Variants in MDGA2 observed in about 807,000 individuals in gnomAD.
MDGA2 encodes MAM domain-containing glycosylphosphatidylinositol anchor protein 2.
Under a neutral mutation model 117.8 loss-of-function variants are expected in MDGA2, and 40 were observed. The ratio of observed to expected loss-of-function variants is 0.34; its 90% CI spans 0.26 to 0.44. MDGA2 has a LOEUF of 0.44. Ranked by LOEUF, MDGA2 falls within the 20% of genes least tolerant of loss-of-function variation. MDGA2 has a pLI of 1.00. For synonymous variants in MDGA2, 452 were observed against 439.0 expected (o/e 1.03, Z -0.37); for missense variants, 1,123 against 1,250.6 (o/e 0.90, Z 1.54).
chr14:47,281,847 G>A (rs957982780), intron 2 of MDGA2, among the ~76,000 whole-genome samples: 5 of 151,812 alleles, frequency 3.3e-5, no homozygotes, highest in African/African-American at 1.2e-4. Flanking sequence ...ACCTGAGGTC[G>A]GAAGCTCGAG....
intron 12 of MDGA2, among the ~76,000 whole-genome samples, chr14:46,874,486 A>T (rs559554854): frequency 1.3e-5 from 2 of 152,016 alleles, no homozygotes; most frequent in African/African-American, 4.8e-5. Flanking sequence ...AATATAATTT[A>T]TGCTTGAATT....
chr14:47,336,767 T>G (rs182637906), intron 1 of MDGA2, among the ~76,000 whole-genome samples: 1 of 152,114 alleles, frequency 6.6e-6, no homozygotes, highest in East Asian at 1.9e-4. Flanking sequence ...TTAATAGTGC[T>G]CAAAAGAAGT....
intron 8 of MDGA2, among the ~76,000 whole-genome samples, chr14:46,963,071 T>C (rs1885873787): frequency 6.6e-6 from 1 of 152,140 alleles, no homozygotes; most frequent in Non-Finnish European, 1.5e-5. Flanking sequence ...AGGAATATAG[T>C]GAAGCATTTT....
chr14:47,473,505 G>A (rs1314654157), intron 1 of MDGA2, among the ~76,000 whole-genome samples: 1 of 152,040 alleles, frequency 6.6e-6, no homozygotes, highest in Non-Finnish European at 1.5e-5. Context: ...GTAAAAAAGA[G>A]AAGCACCAAT....
At chr14:47,144,854 T>C (rs1012076977) in intron 3 of MDGA2, among the ~76,000 whole-genome samples, 11 of 143,594 alleles carry the variant, frequency 7.7e-5, no homozygotes, top group Non-Finnish European at 1.5e-4. Flanking sequence ...CTGGCTATGT[T>C]GTCCAGGCTG....
chr14:47,071,691 G>A (rs1890288320), intron 6 of MDGA2, among the ~76,000 whole-genome samples: 1 of 151,962 alleles, frequency 6.6e-6, no homozygotes, highest in African/African-American at 2.4e-5. Context: ...AGGAAGAAAG[G>A]CAAAGAGGGA....
chr14:47,225,693 A>G (rs1262450170), intron 2 of MDGA2, among the ~76,000 whole-genome samples: 1 of 151,978 alleles, frequency 6.6e-6, no homozygotes, highest in African/African-American at 2.4e-5. Context: ...GGATAGCATT[A>G]GGAGATATAC....
chr14:47,512,119 C>G (rs1039559224), intron 1 of MDGA2, among the ~76,000 whole-genome samples: 2 of 152,094 alleles, frequency 1.3e-5, no homozygotes, highest in Non-Finnish European at 2.9e-5. Flanking sequence ...TGAAAACTGC[C>G]CATTGAACAC....
chr14:47,254,428 C>T (rs1887551285), intron 2 of MDGA2, among the ~76,000 whole-genome samples: 1 of 152,156 alleles, frequency 6.6e-6, no homozygotes, highest in Non-Finnish European at 1.5e-5. Flanking sequence ...AGCAAAATGC[C>T]ACCAGTTTCT....
At chr14:46,846,288 A>G (rs915389815) in intron 15 of MDGA2, among the ~76,000 whole-genome samples, 1 of 152,166 alleles carries the variant, frequency 6.6e-6, no homozygotes, top group African/African-American at 2.4e-5. Context: ...GAATGAATCA[A>G]TTCTGAATTC....
At chr14:47,621,639 A>G (rs946011721) in intron 1 of MDGA2, among the ~76,000 whole-genome samples, 3 of 152,222 alleles carry the variant, frequency 2.0e-5, no homozygotes, top group Admixed American at 2.0e-4. Context: ...GCAAAATGTG[A>G]GCAGGGATGA....
At chr14:47,019,133 T>C (rs1888192973) in intron 8 of MDGA2, among the ~76,000 whole-genome samples, 1 of 152,202 alleles carries the variant, frequency 6.6e-6, no homozygotes, top group African/African-American at 2.4e-5. Context: ...GCTTTCAAAT[T>C]TGAATACTGA....
At chr14:47,146,391 G>A (rs1342745467) in intron 3 of MDGA2, among the ~76,000 whole-genome samples, 1 of 152,120 alleles carries the variant, frequency 6.6e-6, no homozygotes, top group South Asian at 2.1e-4. Context: ...AAGCTTAAAG[G>A]AACTTTCCAT....
chr14:47,157,621 G>C (rs1883448427), intron 3 of MDGA2, among the ~76,000 whole-genome samples: 2 of 151,404 alleles, frequency 1.3e-5, no homozygotes, highest in Admixed American at 6.6e-5. Flanking sequence ...GTGTGTGTGT[G>C]TGTGTGTGTG....
chr14:47,169,862 A>T (rs1459106427), intron 3 of MDGA2, among the ~76,000 whole-genome samples: 1 of 152,098 alleles, frequency 6.6e-6, no homozygotes, highest in Non-Finnish European at 1.5e-5. Flanking sequence ...TTTCCTCTAA[A>T]ATATAAGTCA....
chr14:47,351,343 A>G (rs530339169), intron 1 of MDGA2, among the ~76,000 whole-genome samples: 1 of 152,148 alleles, frequency 6.6e-6, no homozygotes, highest in Non-Finnish European at 1.5e-5. Context: ...CAGCCGCCCA[A>G]AGTGCTGGGA....
chr14:46,989,391 T>C (rs1036113492), intron 8 of MDGA2, among the ~76,000 whole-genome samples: 1 of 152,030 alleles, frequency 6.6e-6, no homozygotes, highest in Admixed American at 6.6e-5. Context: ...TGATTTCTCA[T>C]CAGAGTGAAC....
chr14:46,993,398 C>T (rs1024857890), intron 8 of MDGA2, among the ~76,000 whole-genome samples: 4 of 151,976 alleles, frequency 2.6e-5, no homozygotes, highest in African/African-American at 9.7e-5. Flanking sequence ...ATTTACACCA[C>T]TGATGATAAA....
chr14:47,570,325 C>T lies in MDGA2; in HGVS notation c.280+104192G>A, dbSNP rs111645955. The stretch of plus-strand genomic sequence containing the variant: ...ACTTTCAATGGCAAAACCAACCTAA[C>T]GTGAACATTCTCTAAACCAAAGCTG... On this transcript the variant is annotated intron_variant, in intron 1 of 16. Coordinates refer to ENST00000399232, the MANE Select transcript of MDGA2 (RefSeq NM_001113498.3). 9.7e-4 allele frequency among the ~76,000 whole-genome samples: 147 copies of T among 152,144 alleles called. 2 individuals carry two copies. Among genetic ancestry groups the T allele is most frequent in the African/African-American group, 3.2e-3 (131 of 41,508 alleles).
Sources: allele counts gnomAD v4.1 joint callset (sites outside exome capture counted in the v4.1 genomes callset), GRCh38; gene constraint gnomAD v4.1.1; transcripts MANE v1.5; gene names NCBI Gene and HGNC (gene_info 2026-07-23, HGNC 2026-07-21).